The following CHST9 variants were observed in gnomAD, a reference collection of about 807,000 sequenced individuals.
The protein encoded by CHST9 is carbohydrate sulfotransferase 9.
A neutral mutation model predicts 44.4 loss-of-function variants in CHST9; 41 were observed. That is an observed-to-expected ratio of 0.92 (90% CI 0.72 to 1.20). CHST9 has a LOEUF of 1.20. Among genes scored for constraint, CHST9 ranks in the 50% most tolerant of loss-of-function variants. CHST9 has a pLI of 0.00. For missense variants in CHST9, 504 were observed against 516.5 expected (o/e 0.98, Z 0.23); for synonymous variants, 171 against 178.4 (o/e 0.96, Z 0.33).
At chr18:26,979,019 T>C (rs1338586920) in intron 4 of CHST9, among the ~76,000 whole-genome samples, 1 of 151,970 alleles carries the variant, frequency 6.6e-6, no homozygotes, top group Admixed American at 6.6e-5. Context: ...ATTTATTTTA[T>C]TTTATTTTAT....
intron 2 of CHST9, among the ~76,000 whole-genome samples, chr18:27,140,815 A>G (rs1439815588): frequency 6.6e-6 from 1 of 152,224 alleles, no homozygotes; most frequent in Admixed American, 6.5e-5. Context: ...TGTTATTATG[A>G]TAAATTATTT....
chr18:26,994,365 C>G (rs1230312798), intron 4 of CHST9, among the ~76,000 whole-genome samples: 2 of 152,160 alleles, frequency 1.3e-5, no homozygotes, highest in Non-Finnish European at 2.9e-5. Flanking sequence ...CAAATGCTTA[C>G]TCTGTGTTGT....
intron 2 of CHST9, among the ~76,000 whole-genome samples, chr18:27,063,259 A>G (rs908731036): frequency 6.6e-6 from 1 of 152,202 alleles, no homozygotes; most frequent in Non-Finnish European, 1.5e-5. Flanking sequence ...CACACTGTTT[A>G]CCACATATGC....
intron 4 of CHST9, among the ~76,000 whole-genome samples, chr18:26,971,390 G>A (rs2056540432): frequency 6.6e-6 from 1 of 152,224 alleles, no homozygotes; most frequent in African/African-American, 2.4e-5. Context: ...AGCATATGCT[G>A]TGCACCTGGC....
chr18:27,036,738 C>T (rs2057393991), intron 3 of CHST9, among the ~76,000 whole-genome samples: 2 of 152,130 alleles, frequency 1.3e-5, no homozygotes, highest in Admixed American at 1.3e-4. Context: ...TGCAATGAGC[C>T]AATCACTCTT....
At chr18:27,047,496 G>C (rs986833568) in intron 3 of CHST9, among the ~76,000 whole-genome samples, 1 of 151,644 alleles carries the variant, frequency 6.6e-6, no homozygotes, top group Non-Finnish European at 1.5e-5. Flanking sequence ...CAGGTATTAA[G>C]TTGCCCACTT....
intron 5 of CHST9, among the ~76,000 whole-genome samples, chr18:26,929,097 C>A (rs145955989): frequency 6.6e-6 from 1 of 152,294 alleles, no homozygotes; most frequent in African/African-American, 2.4e-5. Context: ...TATACTCACT[C>A]TTCCTTTGGA....
chr18:27,175,301 A>G (rs1444317267), intron 1 of CHST9, among the ~76,000 whole-genome samples: 1 of 151,964 alleles, frequency 6.6e-6, no homozygotes, highest in Non-Finnish European at 1.5e-5. Flanking sequence ...AAAATCTTAG[A>G]CCACTTCTTA....
chr18:26,957,628 AATC>A (rs887777016), intron 4 of CHST9, among the ~76,000 whole-genome samples: 2 of 152,004 alleles, frequency 1.3e-5, no homozygotes, highest in Admixed American at 6.6e-5. Flanking sequence ...TAGCAATCAC[AATC>A]ATCATCGTCA....
intron 5 of CHST9, among the ~76,000 whole-genome samples, chr18:26,929,371 AT>A (rs1328794754): frequency 6.6e-6 from 1 of 152,228 alleles, no homozygotes; most frequent in Non-Finnish European, 1.5e-5. Context: ...AACTAGATAA[AT>A]GCAGTTATAA....
intron 1 of CHST9, among the ~76,000 whole-genome samples, chr18:27,152,720 A>C (rs2058668438): frequency 6.6e-6 from 1 of 152,174 alleles, no homozygotes; most frequent in Non-Finnish European, 1.5e-5. Flanking sequence ...AATTTATTAA[A>C]GAGACCAATG....
chr18:27,060,562 A>C (rs2057710000), intron 2 of CHST9, among the ~76,000 whole-genome samples: 1 of 152,156 alleles, frequency 6.6e-6, no homozygotes, highest in African/African-American at 2.4e-5. Flanking sequence ...ACTGAGAGCT[A>C]AGATTTGCAC....
At chr18:27,039,499 A>G (rs2057422729) in intron 3 of CHST9, among the ~76,000 whole-genome samples, 1 of 152,120 alleles carries the variant, frequency 6.6e-6, no homozygotes. Context: ...CCAGGGACAG[A>G]GGGATGGAAG....
intron 4 of CHST9, among the ~76,000 whole-genome samples, chr18:27,006,547 T>C (rs1423428644): frequency 6.6e-6 from 1 of 152,178 alleles, no homozygotes; most frequent in Admixed American, 6.6e-5. Context: ...ATGTCAGAGA[T>C]CATTAGTTGT....
intron 4 of CHST9, among the ~76,000 whole-genome samples, chr18:26,945,677 T>C (rs1031067124): frequency 6.6e-6 from 1 of 152,208 alleles, no homozygotes; most frequent in Admixed American, 6.5e-5. Context: ...TTGAAGGATA[T>C]CTTGGTAGTT....
At chr18:26,926,689 C>T (rs779670558) in intron 5 of CHST9, among the ~76,000 whole-genome samples, 9 of 152,062 alleles carry the variant, frequency 5.9e-5, no homozygotes, top group Non-Finnish European at 1.3e-4. Context: ...TAATTCTAAC[C>T]CAGTAAACAT....
intron 1 of CHST9, among the ~76,000 whole-genome samples, chr18:27,147,506 T>C (rs1189468122): frequency 2.0e-5 from 3 of 152,084 alleles, no homozygotes; most frequent in Non-Finnish European, 4.4e-5. Context: ...GCCCACTCTT[T>C]CTCCCCTCCG....
Position 26,935,798 on chromosome 18 carries a change from G to A in CHST9, c.240+8531C>T, listed in dbSNP as rs1394361194. 4 of 152,130 alleles carry A rather than the reference G, an allele frequency of 2.6e-5. 1 individual carries two copies. Among genetic ancestry groups the A allele is most frequent in the Admixed American group, 1.3e-4 (2 of 15,268 alleles). 9.4% of individuals were successfully genotyped at this position (152,130 alleles called of 1,614,324 possible). ...TCAACATTAAGGATAATAAGGACAA[G>A]GTAGTTTTCACTGGATCCTTACTGG... is the stretch of plus-strand genomic sequence containing the variant. On this transcript the variant is annotated intron_variant, in intron 5 of 5. Transcript: ENST00000618847.
At chr18:27,093,472 C>T (rs562718600) in intron 2 of CHST9, among the ~76,000 whole-genome samples, 13 of 152,348 alleles carry the variant, frequency 8.5e-5, no homozygotes, top group African/African-American at 3.1e-4. Context: ...CTTCCCCAGC[C>T]AGGCTGCCGT....
Sources: gnomAD v4.1 joint callset for allele counts (sites outside exome capture counted in the v4.1 genomes callset) on GRCh38, gnomAD v4.1.1 for gene constraint, MANE v1.5 for transcripts, NCBI Gene and HGNC (gene_info 2026-07-23, HGNC 2026-07-21) for gene names.